TSPAN9: variants seen among roughly 807,000 people sequenced by gnomAD.
The protein encoded by TSPAN9 is tetraspanin-9.
TSPAN9 carries 16 observed loss-of-function variants against 31.0 expected under a neutral mutation model. The ratio of observed to expected loss-of-function variants is 0.52; its 90% CI spans 0.35 to 0.78. The LOEUF (loss-of-function observed/expected upper bound fraction) is 0.78, where lower values mean the gene tolerates loss of function less well. Ranked by LOEUF, TSPAN9 falls within the 30% of genes least tolerant of loss-of-function variation. The pLI, the probability that TSPAN9 is intolerant of heterozygous loss-of-function variation, is 0.01. For missense variants in TSPAN9, 272 were observed against 312.5 expected (o/e 0.87, Z 0.98); for synonymous variants, 145 against 121.6 (o/e 1.19, Z -1.27).
chr12:3,092,769 T>C (rs2098305525), intron 2 of TSPAN9, among the ~76,000 whole-genome samples: 1 of 152,262 alleles, frequency 6.6e-6, no homozygotes, highest in Non-Finnish European at 1.5e-5. Flanking sequence ...GGTCCTTCCC[T>C]GAGGATGCTC....
chr12:3,118,109 A>G (rs954993476), intron 2 of TSPAN9, among the ~76,000 whole-genome samples: 1 of 152,044 alleles, frequency 6.6e-6, no homozygotes, highest in Non-Finnish European at 1.5e-5. Context: ...TAAAGGCTCT[A>G]GTTCACAAGG....
chr12:3,114,842 C>CAAAA (rs34841785), intron 2 of TSPAN9, among the ~76,000 whole-genome samples: 2 of 73,760 alleles, frequency 2.7e-5, no homozygotes, highest in Non-Finnish European at 2.8e-5. Flanking sequence ...GGCTCCATCT[C>CAAAA]AAAAAAAAAA....
intron 2 of TSPAN9, among the ~76,000 whole-genome samples, chr12:3,140,021 C>T (rs565236602): frequency 7.4e-4 from 112 of 152,326 alleles, no homozygotes; most frequent in Admixed American, 2.3e-3. Context: ...TTTGCACTAT[C>T]GCCTTAGCTC....
intron 3 of TSPAN9, among the ~76,000 whole-genome samples, chr12:3,249,246 C>T (rs189012940): frequency 2.5e-3 from 388 of 152,282 alleles, no homozygotes; most frequent in Non-Finnish European, 3.1e-3. Flanking sequence ...TGACTCCAGG[C>T]ACCCCGCGGG....
chr12:3,145,267 T>C (rs2098336623), intron 2 of TSPAN9, among the ~76,000 whole-genome samples: 1 of 152,200 alleles, frequency 6.6e-6, no homozygotes, highest in African/African-American at 2.4e-5. Context: ...CAGTGCCAGC[T>C]CAAGGCTCTC....
rs533128107 is a variant in TSPAN9 at position 3,192,701 on chromosome 12, T to A, written c.-17-8476T>A. ...CAGGTCCAGGTGTGCATTTAGGGGG[T>A]CAACAGCATGCAGATGGCCCTGGAA... On this transcript the variant is annotated intron_variant, in intron 2 of 8. Transcript: ENST00000011898. The surrounding 1 kb of genome is among the most constrained non-coding windows in gnomAD (Gnocchi z 4.6). 4.5e-4 allele frequency among the ~76,000 whole-genome samples: 68 copies of A among 151,028 alleles called. No homozygotes were observed. In the South Asian group the frequency reaches 8.9e-3, roughly 20 times the overall value.
chr12:3,270,706 G>A (rs540073871), intron 3 of TSPAN9, among the ~76,000 whole-genome samples: 1 of 152,380 alleles, frequency 6.6e-6, no homozygotes, highest in African/African-American at 2.4e-5. Flanking sequence ...ATCCCACCAC[G>A]CAGGGCCCTG....
At chr12:3,093,819 C>T (rs138823809) in intron 2 of TSPAN9, among the ~76,000 whole-genome samples, 1 of 152,272 alleles carries the variant, frequency 6.6e-6, no homozygotes, top group East Asian at 1.9e-4. Context: ...CTTTGGTTTT[C>T]AGGAGTCTTC....
At chr12:3,158,594 C>T (rs531427789) in intron 2 of TSPAN9, among the ~76,000 whole-genome samples, 5 of 152,166 alleles carry the variant, frequency 3.3e-5, no homozygotes, top group East Asian at 3.9e-4. Flanking sequence ...TGGTGGCGCA[C>T]GCCTGTAGTC....
rs1656567099 is a variant in TSPAN9 at position 3,285,478 on chromosome 12, T to C, written c.*2362T>C. On this transcript the variant is annotated 3_prime_UTR_variant, in exon 9 of 9. Coordinates refer to ENST00000011898, the MANE Select transcript of TSPAN9 (RefSeq NM_006675.5). ...TCATCCGTCTGTTTGCAGAGCCTCA[T>C]CTACAGGTCCCCACGCTGCCTTCTT... The C allele has an allele frequency of 6.6e-6, 1 of 152,292 alleles. No homozygotes were observed. The highest frequency in any genetic ancestry group is 2.1e-4 in the South Asian group (1 of 4,824). 9.4% of individuals were successfully genotyped at this position (152,292 alleles called of 1,614,324 possible).
intron 3 of TSPAN9, among the ~76,000 whole-genome samples, chr12:3,234,860 A>C (rs946680509): frequency 3.9e-5 from 6 of 151,992 alleles, no homozygotes; most frequent in Non-Finnish European, 7.4e-5. Context: ...CTGTTTAGGA[A>C]AAAAATATAG....
At chr12:3,096,295 C>T (rs377400444) in intron 2 of TSPAN9, among the ~76,000 whole-genome samples, 12 of 152,196 alleles carry the variant, frequency 7.9e-5, no homozygotes, top group East Asian at 1.9e-4. Flanking sequence ...CTCTACCTCC[C>T]GATTCCCCAC....
intron 3 of TSPAN9, among the ~76,000 whole-genome samples, chr12:3,255,166 G>C (rs1862322444): frequency 6.6e-6 from 1 of 152,266 alleles, no homozygotes; most frequent in African/African-American, 2.4e-5. Flanking sequence ...GATGGGTGCA[G>C]GGACAGTCAA....
intron 3 of TSPAN9, among the ~76,000 whole-genome samples, chr12:3,231,235 G>A (rs1349424156): frequency 6.6e-6 from 1 of 152,194 alleles, no homozygotes; most frequent in African/African-American, 2.4e-5. Context: ...GAGAATGAAG[G>A]GAAGCGGGGC....
At chr12:3,108,156 G>C (rs114436020) in intron 2 of TSPAN9, among the ~76,000 whole-genome samples, 2,454 of 152,294 alleles carry the variant, frequency 0.016, 74 homozygotes, top group African/African-American at 0.053. Context: ...CTCTCCTCCA[G>C]AGTCTGTGGC....
chr12:3,084,381 C>T (rs930043777), intron 2 of TSPAN9, among the ~76,000 whole-genome samples: 9 of 152,158 alleles, frequency 5.9e-5, no homozygotes, highest in African/African-American at 2.2e-4. Flanking sequence ...TGTGTGTTTT[C>T]TCCTGCGGCT....
chr12:3,172,574 A>G lies in TSPAN9; in HGVS notation c.-17-28603A>G, dbSNP rs2098352631. 6.6e-6 allele frequency: 1 copy of G among 152,088 alleles called. No homozygotes were observed. Among genetic ancestry groups the G allele is most frequent in the Middle Eastern group, 3.1e-3 (1 of 318 alleles). 9.4% of individuals were successfully genotyped at this position (152,088 alleles called of 1,614,324 possible). ...CGGGGGTCTGGTCTGGGGTGTTTTC[A>G]CTGACGTTTGGTTGGCCCTGCCAGC... On this transcript the variant is annotated intron_variant, in intron 2 of 8. Coordinates refer to ENST00000011898, the MANE Select transcript of TSPAN9 (RefSeq NM_006675.5). The surrounding 1 kb of genome is among the most constrained non-coding windows in gnomAD (Gnocchi z 4.8).
At chr12:3,226,771 TATATATATATATATATATATATA>T (rs1343677908) in intron 3 of TSPAN9, among the ~76,000 whole-genome samples, 149 of 5,134 alleles carry the variant, frequency 0.029, 29 homozygotes, top group African/African-American at 0.072. Flanking sequence ...TATATATATA[TATATATATATATATATATATATA>T]TTTTTTTTTT....
rs3782821 is a variant in TSPAN9 at position 3,222,896 on chromosome 12, G to C, written c.63+21640G>C. On this transcript the variant is annotated intron_variant, in intron 3 of 8. Transcript: ENST00000011898. Reference sequence around the variant, plus strand: ...GTTTGTCCTATGGCGGAGATCCCGAGGGGGCCCTAAGTCACAGCTTTGGCC... The same window carrying C: ...GTTTGTCCTATGGCGGAGATCCCGACGGGGCCCTAAGTCACAGCTTTGGCC... Among the ~76,000 whole-genome samples, 714 of 152,246 alleles carry C rather than the reference G, an allele frequency of 4.7e-3. 44 individuals carry two copies. The East Asian group carries it at 0.12, about 25-fold the overall frequency.
Sources: allele counts gnomAD v4.1 joint callset (sites outside exome capture counted in the v4.1 genomes callset), GRCh38; gene constraint gnomAD v4.1.1; non-coding constraint Gnocchi (gnomAD v3.1); transcripts MANE v1.5; gene names NCBI Gene and HGNC (gene_info 2026-07-23, HGNC 2026-07-21).